Variants in LRRTM4 observed in about 807,000 individuals in gnomAD.
LRRTM4 encodes leucine-rich repeat transmembrane neuronal protein 4.
LRRTM4 carries 25 observed loss-of-function variants against 47.6 expected under a neutral mutation model. That is an observed-to-expected ratio of 0.53 (90% confidence interval 0.38 to 0.73). LRRTM4 has a LOEUF of 0.73. Ranked by LOEUF, LRRTM4 falls within the 30% of genes least tolerant of loss-of-function variation. LRRTM4 has a pLI of 0.00. For missense variants in LRRTM4, 638 were observed against 713.4 expected (o/e 0.89, Z 1.20); for synonymous variants, 311 against 269.5 (o/e 1.15, Z -1.51).
rs1677176039 is a variant in LRRTM4, at chr2:77,471,217, C to T, written c.1551+47101G>A. Reference sequence around the variant, plus strand: ...ATTGAAAGCAATTCTATTCTTCTTGCTGCTCAGGTAGTCATCATACAGTTA... The same window carrying T: ...ATTGAAAGCAATTCTATTCTTCTTGTTGCTCAGGTAGTCATCATACAGTTA... On this transcript the variant is annotated intron_variant, in intron 3 of 3. Transcript: ENST00000409884. Among the ~76,000 whole-genome samples the T allele has an allele frequency of 2.0e-5, 3 of 152,056 alleles. No individual in the cohort carries two copies. The South Asian group carries it at 6.2e-4, about 32-fold the overall frequency.
intron 3 of LRRTM4, among the ~76,000 whole-genome samples, chr2:76,753,096 T>G (rs537615482): frequency 6.6e-6 from 1 of 152,296 alleles, no homozygotes; most frequent in African/African-American, 2.4e-5. Context: ...TTAACATAAA[T>G]CACATTAAAT....
chr2:76,775,964 G>T (rs1384474683), intron 3 of LRRTM4, among the ~76,000 whole-genome samples: 1 of 130,146 alleles, frequency 7.7e-6, no homozygotes. Flanking sequence ...GTGTCCATAT[G>T]ATCTTATTGT....
At chr2:76,957,465 C>T (rs1573367119) in intron 3 of LRRTM4, among the ~76,000 whole-genome samples, 1 of 151,550 alleles carries the variant, frequency 6.6e-6, no homozygotes. Context: ...GTAAAAGAAC[C>T]CTGCTTTACT....
chr2:76,826,686 G>T (rs1671200196), intron 3 of LRRTM4, among the ~76,000 whole-genome samples: 1 of 151,734 alleles, frequency 6.6e-6, no homozygotes, highest in Non-Finnish European at 1.5e-5. Flanking sequence ...CCATTCAGAA[G>T]AAAGGTTTGG....
chr2:76,910,299 G>C lies in LRRTM4; in HGVS notation c.1552-161383C>G, dbSNP rs189327304. Among the ~76,000 whole-genome samples, 1,042 of 139,490 alleles carry C rather than the reference G, an allele frequency of 7.5e-3. 3 individuals carry two copies. The highest frequency in any genetic ancestry group is 0.012 in the Non-Finnish European group (779 of 65,802). 91.5% of individuals were successfully genotyped at this position (139,490 alleles called of 152,430 possible). A position where few individuals can be genotyped will look rare whatever the true frequency, so the allele number is the denominator to read the frequency against. ...CTCATAGGTGGGAATTGAACAATGA[G>C]AACACATGGACACAGGAAGGGGAAC... On this transcript the variant is annotated intron_variant, in intron 3 of 3. Coordinates refer to ENST00000409884, the MANE Select transcript of LRRTM4 (RefSeq NM_001134745.3).
intron 3 of LRRTM4, among the ~76,000 whole-genome samples, chr2:77,059,726 C>T (rs1440602176): frequency 6.6e-6 from 1 of 152,086 alleles, no homozygotes; most frequent in Non-Finnish European, 1.5e-5. Flanking sequence ...AATGTTTGCC[C>T]AATGATCATT....
intron 3 of LRRTM4, among the ~76,000 whole-genome samples, chr2:77,475,005 AG>A (rs1677330832): frequency 6.6e-6 from 1 of 152,114 alleles, no homozygotes; most frequent in Admixed American, 6.6e-5. Context: ...GCAAGTTTAA[AG>A]TGGGAGAAAG....
intron 3 of LRRTM4, among the ~76,000 whole-genome samples, chr2:76,959,013 G>A (rs746208412): frequency 5.9e-5 from 9 of 151,596 alleles, no homozygotes; most frequent in Non-Finnish European, 1.3e-4. Flanking sequence ...ATTGTTTTTC[G>A]GAAAAGGGCC....
At position 77,024,132 on chromosome 2, in the gene LRRTM4, A is replaced by G. The variant is rs1573465376; in HGVS notation, c.1552-275216T>C. Among the ~76,000 whole-genome samples the G allele has an allele frequency of 2.0e-5, 3 of 152,240 alleles. No individual in the cohort carries two copies. In the East Asian group the frequency reaches 5.8e-4, roughly 29 times the overall value. On this transcript the variant is annotated intron_variant, in intron 3 of 3. Coordinates refer to ENST00000409884, the MANE Select transcript of LRRTM4 (RefSeq NM_001134745.3). ...CATGAGACTTACTCATTACCACAAG[A>G]ACAGTATTGGGGAAACCACTCCTGT... is the stretch of plus-strand genomic sequence containing the variant.
At chr2:76,802,493 C>G (rs1462737898) in intron 3 of LRRTM4, among the ~76,000 whole-genome samples, 3 of 151,900 alleles carry the variant, frequency 2.0e-5, no homozygotes, top group Non-Finnish European at 4.4e-5. Context: ...GGAAACATAT[C>G]CTGTGTTCAT....
In LRRTM4 at chr2:76,803,359, C is replaced by G. The variant is rs542269134; in HGVS notation, c.1552-54443G>C. Among the ~76,000 whole-genome samples the G allele has an allele frequency of 1.2e-4, 18 of 152,196 alleles. No homozygotes were observed. In the South Asian group the frequency reaches 3.5e-3, roughly 30 times the overall value. ...ATATATGCAAAAATGCCCAACATTA[C>G]TGATCATCAGGGAAATGCAAATTTA... is the stretch of plus-strand genomic sequence containing the variant. On this transcript the variant is annotated intron_variant, in intron 3 of 3. Coordinates refer to ENST00000409884, the MANE Select transcript of LRRTM4 (RefSeq NM_001134745.3).
chr2:77,142,985 T>A (rs931349992), intron 3 of LRRTM4, among the ~76,000 whole-genome samples: 9 of 152,300 alleles, frequency 5.9e-5, no homozygotes, highest in African/African-American at 2.2e-4. Flanking sequence ...CTTCCTATAT[T>A]TGAATTATCT....
At chr2:77,110,918 G>T (rs1183406828) in intron 3 of LRRTM4, among the ~76,000 whole-genome samples, 1 of 152,036 alleles carries the variant, frequency 6.6e-6, no homozygotes, top group African/African-American at 2.4e-5. Flanking sequence ...TTTTAAAATT[G>T]TTTCTACACT....
chr2:77,465,478 G>T (rs910284770), intron 3 of LRRTM4, among the ~76,000 whole-genome samples: 2 of 152,084 alleles, frequency 1.3e-5, no homozygotes, highest in African/African-American at 4.8e-5. Flanking sequence ...TTAATAACGT[G>T]TTCTAGTCCC....
At chr2:76,855,765 T>C (rs1264967707) in intron 3 of LRRTM4, among the ~76,000 whole-genome samples, 1 of 152,120 alleles carries the variant, frequency 6.6e-6, no homozygotes, top group Non-Finnish European at 1.5e-5. Flanking sequence ...CTGTATTGCA[T>C]GGGACTATGA....
intron 3 of LRRTM4, among the ~76,000 whole-genome samples, chr2:76,991,201 C>A (rs1248068757): frequency 6.6e-6 from 1 of 151,512 alleles, no homozygotes; most frequent in Non-Finnish European, 1.5e-5. Context: ...TTAGAAAGAT[C>A]TCAAATTAAT....
intron 3 of LRRTM4, among the ~76,000 whole-genome samples, chr2:76,823,097 G>T (rs1321231282): frequency 6.6e-6 from 1 of 151,304 alleles, no homozygotes; most frequent in Non-Finnish European, 1.5e-5. Context: ...AATAAAAAGG[G>T]TTAATTTCAT....
At chr2:76,877,381 T>C (rs1308018397) in intron 3 of LRRTM4, among the ~76,000 whole-genome samples, 1 of 152,108 alleles carries the variant, frequency 6.6e-6, no homozygotes, top group Non-Finnish European at 1.5e-5. Context: ...TCTGAGATTT[T>C]TTTTTTCAGG....
chr2:77,453,720 T>C (rs1224012545), intron 3 of LRRTM4, among the ~76,000 whole-genome samples: 1 of 152,204 alleles, frequency 6.6e-6, no homozygotes, highest in Non-Finnish European at 1.5e-5. Context: ...GCTTATGATA[T>C]TTCTGTGGTA....
Sources: gnomAD v4.1 joint callset for allele counts (sites outside exome capture counted in the v4.1 genomes callset) on GRCh38, gnomAD v4.1.1 for gene constraint, MANE v1.5 for transcripts, NCBI Gene and HGNC (gene_info 2026-07-23, HGNC 2026-07-21) for gene names.